The following CCL28 variants were observed in gnomAD, a reference collection of about 807,000 sequenced individuals.
CCL28 encodes C-C motif chemokine 28.
A neutral mutation model predicts 7.1 loss-of-function variants in CCL28; 4 were observed. The observed-to-expected ratio is 0.56, with a 90% CI of 0.28 to 1.29. The LOEUF (loss-of-function observed/expected upper bound fraction) is 1.29, where lower values mean the gene tolerates loss of function less well. CCL28 is among the 50% of genes most tolerant of loss of function. The pLI is 0.11. For missense variants in CCL28, 151 were observed against 163.4 expected, an observed-to-expected ratio of 0.92 and a Z score of 0.41; for synonymous variants, 55 against 57.8, an observed-to-expected ratio of 0.95 and a Z score of 0.22.
chr5:43,362,880 A>G, the CCL28 span, among the ~76,000 whole-genome samples: 4 of 152,156 alleles, frequency 2.6e-5, no homozygotes, highest in Admixed American at 6.5e-5. Context: ...CTAAAATAAG[A>G]TTTGTTCAGG....
downstream of CCL28, among the ~76,000 whole-genome samples, chr5:43,375,852 G>A (rs1739879599): frequency 6.8e-6 from 1 of 146,310 alleles, no homozygotes; most frequent in Non-Finnish European, 1.5e-5. Context: ...AGGCTGAGGC[G>A]GGCGGACCCC....
chr5:43,382,352 A>G (rs1361158304), intron 2 of CCL28, among the ~76,000 whole-genome samples: 1 of 152,190 alleles, frequency 6.6e-6, no homozygotes, highest in South Asian at 2.1e-4. Context: ...AGGAGGGAGA[A>G]AAAAGAGGAA....
chr5:43,381,686 A>G lies in CCL28; in HGVS notation c.*174T>C. On this transcript the variant is annotated 3_prime_UTR_variant, in exon 3 of 3. Transcript: ENST00000361115. ...GTATTATCTTTTCATTTCATTTTCC[A>G]GTTGAGTATATTATTGGCTACATTT... is the stretch of plus-strand genomic sequence containing the variant. The G allele has an allele frequency of 1.7e-6, 1 of 578,686 alleles. No homozygotes were observed. The highest frequency in any genetic ancestry group is 2.9e-5 in the East Asian group (1 of 34,508). The allele number at this position is 578,686 out of a possible 1,614,324, so 35.8% of individuals were successfully genotyped here.
intron 1 of CCL28, among the ~76,000 whole-genome samples, chr5:43,411,787 C>T (rs1741543121): frequency 6.6e-6 from 1 of 152,216 alleles, no homozygotes; most frequent in Non-Finnish European, 1.5e-5. Flanking sequence ...ATCCATAGAG[C>T]TGACTTTGCT....
intron 1 of CCL28, among the ~76,000 whole-genome samples, chr5:43,405,720 A>G (rs916759129): frequency 2.6e-5 from 4 of 152,218 alleles, no homozygotes; most frequent in African/African-American, 4.8e-5. Flanking sequence ...TGGTTTTTTG[A>G]AAAGATCAAC....
In CCL28 at chr5:43,379,197, G is replaced by T. The variant is rs149402507; in HGVS notation, c.*2663C>A. 3.8e-3 allele frequency: 584 copies of T among 152,022 alleles called. No homozygotes were observed. Among genetic ancestry groups the T allele is most frequent in the African/African-American group, 0.013 (557 of 41,444 alleles). 9.4% of individuals were successfully genotyped at this position (152,022 alleles called of 1,614,324 possible). A position where few individuals can be genotyped will look rare whatever the true frequency, so the allele number is the denominator to read the frequency against. Reference sequence around the variant, plus strand: ...TGAAAGAATTAGACACCAGTGTTTTGGTATCTTAACTTTTATTAATGTTGG... The same window carrying T: ...TGAAAGAATTAGACACCAGTGTTTTTGTATCTTAACTTTTATTAATGTTGG... On this transcript the variant is annotated 3_prime_UTR_variant, in exon 3 of 3. Transcript: ENST00000361115.
chr5:43,404,742 G>T, intron 1 of CCL28, among the ~76,000 whole-genome samples: 1 of 152,126 alleles, frequency 6.6e-6, no homozygotes, highest in African/African-American at 2.4e-5. Flanking sequence ...AGACCCATCA[G>T]TGTGCGCTGC....
the CCL28 span, among the ~76,000 whole-genome samples, chr5:43,365,004 CTT>C: frequency 3.9e-4 from 44 of 112,752 alleles, 1 homozygote; most frequent in African/African-American, 1.2e-3. Flanking sequence ...GGTCTTGACT[CTT>C]TTTTTTTTTT....
At chr5:43,400,092 C>T (rs1740971967) in intron 1 of CCL28, among the ~76,000 whole-genome samples, 1 of 152,132 alleles carries the variant, frequency 6.6e-6, no homozygotes, top group South Asian at 2.1e-4. Context: ...GCAATCCTCC[C>T]ACCTCAGCCT....
chr5:43,367,138 T>C, the CCL28 span, among the ~76,000 whole-genome samples: 1 of 152,252 alleles, frequency 6.6e-6, no homozygotes, highest in African/African-American at 2.4e-5. Context: ...GCAGCAAGAA[T>C]TTCAAGCCAG....
chr5:43,407,244 A>G (rs1307591270), intron 1 of CCL28, among the ~76,000 whole-genome samples: 1 of 152,246 alleles, frequency 6.6e-6, no homozygotes, highest in Non-Finnish European at 1.5e-5. Context: ...TTCAAACTAT[A>G]CTACAAGGCT....
Position 43,381,221 on chromosome 5 carries a change from A to C in CCL28, c.*639T>G, listed in dbSNP as rs1052001053. 2.0e-5 allele frequency: 3 copies of C among 152,190 alleles called. No homozygotes were observed. The highest frequency in any genetic ancestry group is 6.5e-5 in the Admixed American group (1 of 15,280). 9.4% of individuals were successfully genotyped at this position (152,190 alleles called of 1,614,324 possible). The stretch of plus-strand genomic sequence containing the variant: ...AGGAGAGAGAAAGCAAATGTGACAC[A>C]ATATTAACAATGATTAATATTGTGG... On this transcript the variant is annotated 3_prime_UTR_variant, in exon 3 of 3. Coordinates refer to ENST00000361115, the MANE Select transcript of CCL28 (RefSeq NM_148672.3).
chr5:43,405,862 T>C (rs1411710052), intron 1 of CCL28, among the ~76,000 whole-genome samples: 1 of 152,088 alleles, frequency 6.6e-6, no homozygotes, highest in Non-Finnish European at 1.5e-5. Context: ...GAGAATACTA[T>C]AAACACCTCT....
At chr5:43,397,938 A>G (rs990381924) in intron 1 of CCL28, among the ~76,000 whole-genome samples, 5 of 151,418 alleles carry the variant, frequency 3.3e-5, no homozygotes, top group African/African-American at 1.2e-4. Flanking sequence ...TATTTCCTTT[A>G]TTAATATTTT....
chr5:43,392,516 G>C (rs1427904195), intron 1 of CCL28, among the ~76,000 whole-genome samples: 2 of 152,186 alleles, frequency 1.3e-5, no homozygotes, highest in Non-Finnish European at 2.9e-5. Flanking sequence ...TTTACACATG[G>C]AATTGCTAGG....
the CCL28 span, among the ~76,000 whole-genome samples, chr5:43,368,494 G>C: frequency 6.6e-6 from 1 of 152,184 alleles, no homozygotes; most frequent in Non-Finnish European, 1.5e-5. Context: ...TGCAACCTCT[G>C]AGTCATGTAC....
chr5:43,367,393 G>T, the CCL28 span, among the ~76,000 whole-genome samples: 122 of 152,340 alleles, frequency 8.0e-4, no homozygotes, highest in African/African-American at 2.8e-3. Context: ...TTGGTCTGCG[G>T]GTTGTGAAGA....
At chr5:43,370,058 T>C in the CCL28 span, among the ~76,000 whole-genome samples, 1 of 152,220 alleles carries the variant, frequency 6.6e-6, no homozygotes, top group African/African-American at 2.4e-5. Flanking sequence ...AAGTGCTAGA[T>C]ATGGGAGTGC....
At chr5:43,395,311 C>T (rs1740753158) in intron 1 of CCL28, among the ~76,000 whole-genome samples, 1 of 151,906 alleles carries the variant, frequency 6.6e-6, no homozygotes, top group Non-Finnish European at 1.5e-5. Flanking sequence ...CTTTATCTCA[C>T]TGTATTTGCA....
Sources: allele counts gnomAD v4.1 joint callset (sites outside exome capture counted in the v4.1 genomes callset), GRCh38; gene constraint gnomAD v4.1.1; transcripts MANE v1.5; gene names NCBI Gene and HGNC (gene_info 2026-07-23, HGNC 2026-07-21).